ZNF577: variants seen among roughly 807,000 people sequenced by gnomAD.
ZNF577 encodes zinc finger protein 577.
Under a neutral mutation model 13.9 loss-of-function variants are expected in ZNF577, and 14 were observed. The ratio of observed to expected loss-of-function variants is 1.00; its 90% CI spans 0.66 to 1.57. ZNF577 has a LOEUF of 1.57. ZNF577 is among the 40% of genes most tolerant of loss of function. The probability of loss-of-function intolerance (pLI) is 0.00; values close to 1 mark genes in which losing one functional copy is unlikely to be tolerated. For synonymous variants in ZNF577, 203 were observed against 202.9 expected (o/e 1.00, Z 0.00); for missense variants, 555 against 579.2 (o/e 0.96, Z 0.43).
intron 4 of ZNF577, chr19:51,877,851 A>C (rs1341202210): frequency 6.3e-6 from 1 of 157,600 alleles, no homozygotes; most frequent in African/African-American, 2.4e-5. Context: ...AAAACATGGA[A>C]GCAACCCAGT....
downstream of ZNF577, among the ~76,000 whole-genome samples, chr19:51,864,134 T>C (rs62107505): frequency 0.19 from 29,010 of 152,230 alleles, 3,310 homozygotes; most frequent in Non-Finnish European, 0.25. Context: ...TTAAATATTA[T>C]GGCATGAATA....
intron 9 of ZNF577, chr19:51,823,761 T>A: frequency 6.3e-7 from 1 of 1,585,708 alleles, no homozygotes; most frequent in Non-Finnish European, 8.6e-7. Flanking sequence ...GGAAACCAAC[T>A]TCTCCATTCC....
Position 51,873,305 on chromosome 19 carries a change from G to A in ZNF577, c.685C>T (p.Leu229Phe), listed in dbSNP as rs1272649560. ...GTATGGGTTCTCTGATGGACCATGA[G>A]CTGTGACTTTCTGGAGAAGGCTTTT... ...CGKAFSRKSQ[L>F]MVHQRTHTGE... Residue 229 changes from leucine (L) to phenylalanine (F), a missense_variant, in exon 6 of 6, where the codon CTC becomes TTC. Coordinates refer to ENST00000638348, the MANE Select transcript of ZNF577 (RefSeq NM_001370449.1). 6.8e-6 allele frequency: 11 copies of A among 1,614,060 alleles called. No homozygotes were observed. The highest frequency in any genetic ancestry group is 6.7e-5 in the Admixed American group (4 of 60,008).
At chr19:51,810,344 G>C (rs761456948) in intron 10 of ZNF577, among the ~76,000 whole-genome samples, 1 of 152,178 alleles carries the variant, frequency 6.6e-6, no homozygotes, top group Non-Finnish European at 1.5e-5. Flanking sequence ...TAGCATTTCT[G>C]CAGCCGTGGT....
At chr19:51,843,538 T>C (rs1304599290) in intron 6 of ZNF577, among the ~76,000 whole-genome samples, 1 of 152,224 alleles carries the variant, frequency 6.6e-6, no homozygotes, top group East Asian at 1.9e-4. Context: ...ATTTGCCCGA[T>C]GTAAAGTGTC....
intron 10 of ZNF577, among the ~76,000 whole-genome samples, chr19:51,806,027 A>G (rs1387539173): frequency 6.6e-6 from 1 of 152,218 alleles, no homozygotes; most frequent in Non-Finnish European, 1.5e-5. Flanking sequence ...TCAACTGGGT[A>G]TTGTTTACCT....
At chr19:51,821,002 T>C (rs2084184405) in intron 9 of ZNF577, among the ~76,000 whole-genome samples, 1 of 152,208 alleles carries the variant, frequency 6.6e-6, no homozygotes, top group Non-Finnish European at 1.5e-5. Context: ...CTATGAGCAT[T>C]GTTCTTGTCC....
At chr19:51,846,424 T>C (rs1334354954) in intron 5 of ZNF577, among the ~76,000 whole-genome samples, 1 of 152,094 alleles carries the variant, frequency 6.6e-6, no homozygotes, top group African/African-American at 2.4e-5. Flanking sequence ...AGAAGAGATA[T>C]TGGCTGGGTG....
rs2084250916 is a variant in ZNF577 at position 51,829,626 on chromosome 19, C to T, written c.*599+10267G>A. ...CCTACACATCTCACTGATGAGAGAG[C>T]CACAGGATACCAGGCTCCTGGGTAG... On this transcript the variant is annotated intron_variant and NMD_transcript_variant, in intron 9 of 10. Coordinates refer to the ZNF577 transcript ENST00000638827. 5.3e-5 allele frequency among the ~76,000 whole-genome samples: 8 copies of T among 152,282 alleles called. No individual in the cohort carries two copies. In the South Asian group the frequency reaches 1.7e-3, roughly 32 times the overall value.
intron 5 of ZNF577, 104 bp downstream of exon 5, chr19:51,877,178 A>G: frequency 1.1e-6 from 1 of 921,296 alleles, no homozygotes; most frequent in Non-Finnish European, 1.7e-6. Flanking sequence ...GCCACCAACT[A>G]CTGTGAAGTC....
intron 1 of ZNF577, among the ~76,000 whole-genome samples, chr19:51,883,142 A>C (rs1293928952): frequency 2.0e-4 from 31 of 151,844 alleles, no homozygotes; most frequent in Admixed American, 2.0e-3. Context: ...ACAGGTGCCC[A>C]CCACCACGCC....
At chr19:51,835,846 C>T (rs1182749363) in intron 9 of ZNF577, among the ~76,000 whole-genome samples, 3 of 152,182 alleles carry the variant, frequency 2.0e-5, no homozygotes, top group Non-Finnish European at 4.4e-5. Context: ...ATGCCTGCCA[C>T]CACGCCCAGC....
In ZNF577 at chr19:51,882,178, G is replaced by A. The variant is rs1050504672; in HGVS notation, c.-218-1301C>T. On this transcript the variant is annotated intron_variant, in intron 1 of 5. Transcript: ENST00000638348. ...GCTAAGAGGTAGAAAAGGCCATTAC[G>A]CATGAATGGGTTGGAGCTGAGATCT... Among the ~76,000 whole-genome samples the A allele has an allele frequency of 2.0e-5, 3 of 152,224 alleles. No homozygotes were observed. In the East Asian group the frequency reaches 5.8e-4, roughly 29 times the overall value.
intron 9 of ZNF577, among the ~76,000 whole-genome samples, chr19:51,822,264 T>C (rs1485209784): frequency 6.6e-6 from 1 of 152,238 alleles, no homozygotes; most frequent in African/African-American, 2.4e-5. Flanking sequence ...AATTTAGTCA[T>C]GTTTCCACCA....
At chr19:51,806,454 C>T (rs536350838) in intron 10 of ZNF577, among the ~76,000 whole-genome samples, 1 of 152,326 alleles carries the variant, frequency 6.6e-6, no homozygotes, top group East Asian at 1.9e-4. Context: ...GTCTTACCAT[C>T]CGTACCAGGA....
At position 51,872,678 on chromosome 19, in the gene ZNF577, C is replaced by T; in HGVS notation, c.1312G>A (p.Val438Met). Reference sequence around the variant, plus strand: ...CTTGGAAAAGGTTGTTCCACAATCACTACATTTCTGCCCACTAGGCGCTCA... The same window carrying T: ...CTTGGAAAAGGTTGTTCCACAATCATTACATTTCTGCCCACTAGGCGCTCA... ...KSERLVGRNVVIVEQPFPRNQ... is the reference protein window; with the variant it reads ...KSERLVGRNVMIVEQPFPRNQ... The change falls in exon 6 of 6, where the codon GTG becomes ATG. Residue 438 changes from valine (V) to methionine (M), a missense_variant. Val to Met is a conservative substitution (Grantham distance 21). Transcript: ENST00000638348. 1 of 1,614,232 alleles carries T rather than the reference C, an allele frequency of 6.2e-7. No individual in the cohort carries two copies. The highest frequency in any genetic ancestry group is 1.6e-4 in the Middle Eastern group (1 of 6,062).
In ZNF577 at chr19:51,824,118, T is replaced by C; in HGVS notation, c.*600-12444A>G. On this transcript the variant is annotated intron_variant and NMD_transcript_variant, in intron 9 of 10. Coordinates refer to the ZNF577 transcript ENST00000638827. The surrounding 1 kb of genome is among the most constrained non-coding windows in gnomAD (Gnocchi z 4.7). The stretch of plus-strand genomic sequence containing the variant: ...GATCACCATCATTGCTCTGGACCGC[T>C]GTATTTGTGTCCTGCATCCAGCCTG... 1 of 1,614,044 alleles carries C rather than the reference T, an allele frequency of 6.2e-7. No homozygotes were observed. Among genetic ancestry groups the C allele is most frequent in the Non-Finnish European group, 8.5e-7 (1 of 1,179,942 alleles).
At chr19:51,847,356 G>T (rs1310362543) in intron 5 of ZNF577, among the ~76,000 whole-genome samples, 3 of 151,994 alleles carry the variant, frequency 2.0e-5, no homozygotes, top group Non-Finnish European at 4.4e-5. Context: ...CTCTCCCGTC[G>T]ATGTCCGTGT....
chr19:51,819,096 T>C (rs1335879323), intron 9 of ZNF577, among the ~76,000 whole-genome samples: 1 of 151,984 alleles, frequency 6.6e-6, no homozygotes, highest in Non-Finnish European at 1.5e-5. Flanking sequence ...GTAAGGAAAA[T>C]GAAAGGTGAG....
Sources: allele counts gnomAD v4.1 joint callset (sites outside exome capture counted in the v4.1 genomes callset), GRCh38; gene constraint gnomAD v4.1.1; non-coding constraint Gnocchi (gnomAD v3.1); transcripts MANE v1.5; gene names NCBI Gene and HGNC (gene_info 2026-07-23, HGNC 2026-07-21).